Variants in RSPH10B observed in about 807,000 individuals in gnomAD.
RSPH10B encodes radial spoke head 10 homolog B (Chlamydomonas).
A neutral mutation model predicts 52.5 loss-of-function variants in RSPH10B; 7 were observed. The ratio of observed to expected loss-of-function variants is 0.13; its 90% CI spans 0.08 to 0.25. The LOEUF (loss-of-function observed/expected upper bound fraction) is 0.25, where lower values mean the gene tolerates loss of function less well. Among genes scored for constraint, RSPH10B ranks in the 10% least tolerant of loss-of-function variants. The pLI, the probability that RSPH10B is intolerant of heterozygous loss-of-function variation, is 1.00. For missense variants in RSPH10B, 89 were observed against 542.5 expected (o/e 0.16, Z 8.30); for synonymous variants, 28 against 193.2 (o/e 0.14, Z 7.09).
chr7:5,961,506 A>AT (rs1433444299), intron 3 of RSPH10B, among the ~76,000 whole-genome samples: 210 of 83,754 alleles, frequency 2.5e-3, no homozygotes, highest in African/African-American at 9.0e-3. Context: ...CACCCTGCTA[A>AT]TTTTTTTTGT....
chr7:5,955,175 A>G (rs1422440737), intron 7 of RSPH10B, among the ~76,000 whole-genome samples: 1 of 131,124 alleles, frequency 7.6e-6, no homozygotes, highest in African/African-American at 2.7e-5. Flanking sequence ...AAAAAAAAGA[A>G]AAAAAAAGTC....
rs866477305 is a variant in RSPH10B, at chr7:5,939,972, G to A, written c.1759-1143C>T. 2.5e-3 allele frequency among the ~76,000 whole-genome samples: 273 copies of A among 108,620 alleles called. 8 individuals are homozygous for A. The highest frequency in any genetic ancestry group is 7.8e-3 in the African/African-American group (245 of 31,356). 71.3% of individuals were successfully genotyped at this position (108,620 alleles called of 152,430 possible). Reference sequence around the variant, plus strand: ...AGCACTTTGGGAGGCCGAGGCAGGCGGCTCACGAGGTCAAGAGATCCAGAC... The same window carrying A: ...AGCACTTTGGGAGGCCGAGGCAGGCAGCTCACGAGGTCAAGAGATCCAGAC... On this transcript the variant is annotated intron_variant, in intron 13 of 18. Coordinates refer to ENST00000337579, the Ensembl canonical transcript of RSPH10B.
At chr7:5,926,344 C>CTG (rs752448641) in exon 19 of RSPH10B, 9 of 1,259,098 alleles carry the variant, frequency 7.1e-6, no homozygotes, top group East Asian at 2.3e-5. Context: ...CATCCTAAGC[C>CTG]TGTGTGTGTG....
intron 7 of RSPH10B, chr7:5,953,573 AG>A (rs1780637530): frequency 1.1e-5 from 1 of 92,202 alleles, no homozygotes; most frequent in Non-Finnish European, 2.3e-5. Flanking sequence ...AAAAAAAAAA[AG>A]GAAAGAAAAA....
intron 16 of RSPH10B, among the ~76,000 whole-genome samples, chr7:5,933,620 C>T (rs62453657): frequency 0.21 from 24,785 of 117,130 alleles, 1,373 homozygotes; most frequent in Non-Finnish European, 0.29. Context: ...ATTAGCCGGG[C>T]GTGGGGGTGG....
rs144998361 is a variant in RSPH10B, at chr7:5,927,850, C to A, written c.2432+346G>T. Reference sequence around the variant, plus strand: ...GCTCGGGAGGCTGAGGCAAGAGAATCGCTTGAACCCGGGAGGCGGAGGTTG... The same window carrying A: ...GCTCGGGAGGCTGAGGCAAGAGAATAGCTTGAACCCGGGAGGCGGAGGTTG... On this transcript the variant is annotated intron_variant, in intron 18 of 18. Coordinates refer to ENST00000337579, the Ensembl canonical transcript of RSPH10B. Among the ~76,000 whole-genome samples the A allele has an allele frequency of 1.4e-3, 207 of 146,586 alleles. 11 individuals are homozygous for A. The highest frequency in any genetic ancestry group is 4.9e-3 in the African/African-American group (194 of 39,380).
intron 11 of RSPH10B, among the ~76,000 whole-genome samples, chr7:5,944,250 T>A (rs1780373122): frequency 6.6e-6 from 1 of 150,588 alleles, no homozygotes; most frequent in African/African-American, 2.5e-5. Flanking sequence ...TACAAAAAAT[T>A]AGCTGGGCTT....
intron 10 of RSPH10B, among the ~76,000 whole-genome samples, chr7:5,947,676 C>T (rs1780482598): frequency 9.8e-6 from 1 of 102,564 alleles, no homozygotes. Context: ...GATCGTGCCA[C>T]TGCACTCCAG....
At chr7:5,927,868 G>A (rs1779586068) in intron 18 of RSPH10B, among the ~76,000 whole-genome samples, 1 of 147,126 alleles carries the variant, frequency 6.8e-6, no homozygotes. Flanking sequence ...CCCGGGAGGC[G>A]GAGGTTGCAG....
chr7:5,966,293 T>C (rs1781105334), intron 1 of RSPH10B, among the ~76,000 whole-genome samples: 1 of 87,110 alleles, frequency 1.1e-5, no homozygotes, highest in African/African-American at 4.4e-5. Flanking sequence ...CATTGAATTG[T>C]ACACTTAAAA....
Position 5,927,054 on chromosome 7 carries a change from G to T in RSPH10B, c.2433-506C>A, listed in dbSNP as rs1200065743. 1.5e-3 allele frequency among the ~76,000 whole-genome samples: 113 copies of T among 77,168 alleles called. 1 individual carries two copies. The East Asian group carries it at 0.042, about 28-fold the overall frequency. The allele number at this position is 77,168 out of a possible 152,430, so 50.6% of individuals were successfully genotyped here. On this transcript the variant is annotated intron_variant, in intron 18 of 18. Transcript: ENST00000337579. ...GTGTGTGTGTGTGTGTGTATTATGT[G>T]TGTGTGTGTGTGTATATGTGTGTGT... is the stretch of plus-strand genomic sequence containing the variant.
intron 3 of RSPH10B, among the ~76,000 whole-genome samples, chr7:5,961,674 TG>T (rs1427365820): frequency 2.0e-4 from 2 of 10,246 alleles, no homozygotes; most frequent in East Asian, 1.0e-3. Context: ...TTTTTGTTGT[TG>T]TTTTTTTGTT....
chr7:5,931,182 T>C (rs1486450749), intron 17 of RSPH10B, among the ~76,000 whole-genome samples: 1 of 144,884 alleles, frequency 6.9e-6, no homozygotes, highest in Non-Finnish European at 1.5e-5. Context: ...TCTGCCTGCC[T>C]CGGCCTCCCA....
chr7:5,952,727 TTC>T (rs1379762782), intron 8 of RSPH10B, among the ~76,000 whole-genome samples: 1 of 92,842 alleles, frequency 1.1e-5, no homozygotes, highest in Non-Finnish European at 2.0e-5. Flanking sequence ...TGAATTTTAT[TTC>T]TTTTTTTTTT....
intron 12 of RSPH10B, among the ~76,000 whole-genome samples, 184 bp downstream of exon 14, chr7:5,943,727 G>A (rs2128630850): frequency 6.6e-6 from 1 of 150,984 alleles, no homozygotes; most frequent in Non-Finnish European, 1.5e-5. Context: ...TGTATTTCTA[G>A]TAGAGATGGG....
intron 10 of RSPH10B, 129 bp from the exon 13 acceptor site, chr7:5,945,307 C>G (rs371025599): frequency 2.4e-6 from 1 of 422,064 alleles, no homozygotes; most frequent in Non-Finnish European, 4.5e-6. Flanking sequence ...TGTGTATAAG[C>G]GTCCAACCAA....
chr7:5,927,047 A>ATT (rs1266340097), intron 18 of RSPH10B, among the ~76,000 whole-genome samples: 3 of 51,478 alleles, frequency 5.8e-5, no homozygotes, highest in Non-Finnish European at 1.8e-4. Context: ...GTGTGTGTGT[A>ATT]TTATGTGTGT....
At chr7:5,961,531 C>T (rs1562580525) in intron 3 of RSPH10B, among the ~76,000 whole-genome samples, 2 of 86,954 alleles carry the variant, frequency 2.3e-5, no homozygotes, top group African/African-American at 8.4e-5. Context: ...TTAGGAGAGA[C>T]GGGGTTTTGC....
At chr7:5,931,201 G>A (rs1216878815) in intron 17 of RSPH10B, among the ~76,000 whole-genome samples, 2 of 145,650 alleles carry the variant, frequency 1.4e-5, no homozygotes, top group South Asian at 4.3e-4. Context: ...CAAAGTTCTG[G>A]GATTACAAGT....
Sources: allele counts gnomAD v4.1 joint callset (sites outside exome capture counted in the v4.1 genomes callset), GRCh38; gene constraint gnomAD v4.1.1; transcripts MANE v1.5; gene names NCBI Gene and HGNC (gene_info 2026-07-23, HGNC 2026-07-21).